Variants in TNNI3K observed in about 807,000 individuals in gnomAD.
TNNI3K encodes the protein TNNI3 interacting kinase, also known as serine/threonine-protein kinase TNNI3K.
In TNNI3K, 140 loss-of-function variants were observed where a neutral mutation model predicts 114.5. The ratio of observed to expected loss-of-function variants is 1.22; its 90% confidence interval spans 1.07 to 1.41. The LOEUF is 1.41. Ranked by LOEUF, TNNI3K falls within the 40% of genes most tolerant of loss-of-function variation. TNNI3K has a pLI of 0.00. For synonymous variants in TNNI3K, 347 were observed against 347.5 expected (o/e 1.00, Z 0.02); for missense variants, 1,125 against 1,007.6 (o/e 1.12, Z -1.58).
At chr1:74,329,262 G>A (rs1660074613) in intron 5 of TNNI3K, among the ~76,000 whole-genome samples, 1 of 152,154 alleles carries the variant, frequency 6.6e-6, no homozygotes. Flanking sequence ...GCATGAAACA[G>A]AGTAGACTTT....
intron 5 of TNNI3K, among the ~76,000 whole-genome samples, chr1:74,295,312 A>T (rs1345534266): frequency 6.6e-6 from 1 of 152,174 alleles, no homozygotes; most frequent in Non-Finnish European, 1.5e-5. Context: ...TGTTCTCTGC[A>T]TACATGAAAA....
At chr1:74,280,950 C>T (rs1465937965) in intron 5 of TNNI3K, among the ~76,000 whole-genome samples, 1 of 152,020 alleles carries the variant, frequency 6.6e-6, no homozygotes, top group African/African-American at 2.4e-5. Flanking sequence ...GTATAGAGGA[C>T]TTTGTCTTGC....
chr1:74,537,698 T>C (rs1646676487), intron 23 of TNNI3K, among the ~76,000 whole-genome samples: 2 of 152,184 alleles, frequency 1.3e-5, no homozygotes, highest in South Asian at 4.1e-4. Context: ...TTCACTAGCA[T>C]ACAAATACAG....
chr1:74,325,294 A>T (rs1334898788), intron 5 of TNNI3K, among the ~76,000 whole-genome samples: 1 of 152,112 alleles, frequency 6.6e-6, no homozygotes, highest in East Asian at 1.9e-4. Context: ...AGCTGCTCTT[A>T]CACTGCATAC....
chr1:74,511,210 G>A (rs1460342425), intron 23 of TNNI3K, among the ~76,000 whole-genome samples: 2 of 135,108 alleles, frequency 1.5e-5, no homozygotes, highest in Non-Finnish European at 3.1e-5. Flanking sequence ...TTTTTTTTCC[G>A]AGATGGAATT....
intron 17 of TNNI3K, among the ~76,000 whole-genome samples, 179 bp from the exon 18 acceptor site, chr1:74,435,901 T>C (rs1666100311): frequency 1.3e-5 from 2 of 152,024 alleles, no homozygotes; most frequent in African/African-American, 4.8e-5. Flanking sequence ...ATGATTACAT[T>C]TTATAAATAG....
intron 23 of TNNI3K, among the ~76,000 whole-genome samples, chr1:74,508,150 C>G (rs1197353797): frequency 6.6e-6 from 1 of 152,104 alleles, no homozygotes; most frequent in African/African-American, 2.4e-5. Flanking sequence ...GGTGGCCTTG[C>G]CAAAGAGATG....
intron 5 of TNNI3K, among the ~76,000 whole-genome samples, chr1:74,315,897 A>C (rs1221961940): frequency 6.6e-6 from 1 of 152,206 alleles, no homozygotes; most frequent in Non-Finnish European, 1.5e-5. Context: ...AAATCAAGTT[A>C]ATCAACACTT....
At chr1:74,379,712 G>A (rs535167684) in intron 17 of TNNI3K, among the ~76,000 whole-genome samples, 14 of 152,012 alleles carry the variant, frequency 9.2e-5, no homozygotes, top group East Asian at 5.8e-4. Context: ...CTGCCTCCTC[G>A]ACTAATGCTC....
chr1:74,412,975 G>A (rs1664957153), intron 17 of TNNI3K, among the ~76,000 whole-genome samples: 1 of 152,236 alleles, frequency 6.6e-6, no homozygotes, highest in South Asian at 2.1e-4. Context: ...CTCTTGTTCA[G>A]GTAAGAAAAT....
chr1:74,423,816 T>C (rs926050980), intron 17 of TNNI3K, among the ~76,000 whole-genome samples: 3 of 152,128 alleles, frequency 2.0e-5, no homozygotes, highest in Admixed American at 6.6e-5. Context: ...AATTGCATAA[T>C]AATTATATAT....
At chr1:74,269,444 T>C (rs1315025620) in intron 4 of TNNI3K, among the ~76,000 whole-genome samples, 14 of 151,794 alleles carry the variant, frequency 9.2e-5, no homozygotes, top group Non-Finnish European at 1.8e-4. Flanking sequence ...TAATCAAAAC[T>C]GGGTGTAGGA....
At position 74,475,387 on chromosome 1, in the gene TNNI3K, G is replaced by A. The variant is rs45516996; in HGVS notation, c.2121+11837G>A. ...CTTTTGAACTTTCCTTGGATTATAT[G>A]TTGTAAGTAAGCCTGCTTCATTAAA... On this transcript the variant is annotated intron_variant, in intron 21 of 24. Coordinates refer to ENST00000326637, the MANE Select transcript of TNNI3K (RefSeq NM_015978.3). 6 of 716,914 alleles carry A rather than the reference G, an allele frequency of 8.4e-6. No individual in the cohort carries two copies. The African/African-American group carries it at 1.0e-4, about 13-fold the overall frequency. 44.4% of individuals were successfully genotyped at this position (716,914 alleles called of 1,614,324 possible).
intron 17 of TNNI3K, among the ~76,000 whole-genome samples, chr1:74,385,436 T>C (rs1181492880): frequency 6.6e-6 from 1 of 152,150 alleles, no homozygotes; most frequent in African/African-American, 2.4e-5. Flanking sequence ...TACAAAAATG[T>C]GAAAATCTTA....
At chr1:74,263,628 A>G (rs1655802469) in intron 4 of TNNI3K, among the ~76,000 whole-genome samples, 1 of 151,898 alleles carries the variant, frequency 6.6e-6, no homozygotes, top group Non-Finnish European at 1.5e-5. Context: ...TGGGGAGAAG[A>G]GGATATAAAA....
intron 21 of TNNI3K, chr1:74,464,838 TTTTG>T (rs2100724865): frequency 7.0e-7 from 1 of 1,432,178 alleles, no homozygotes; most frequent in African/African-American, 1.4e-5. Flanking sequence ...AAGCGGTCCT[TTTTG>T]TTTATTTTGT....
chr1:74,253,287 C>T (rs11590342), intron 4 of TNNI3K, among the ~76,000 whole-genome samples: 89,986 of 152,120 alleles, frequency 0.59, 30,306 homozygotes, highest in East Asian at 0.82. Context: ...CAGTGGATCC[C>T]GCACAGGGGC....
intron 11 of TNNI3K, among the ~76,000 whole-genome samples, chr1:74,362,761 A>G (rs1662037535): frequency 6.6e-6 from 1 of 152,124 alleles, no homozygotes; most frequent in Non-Finnish European, 1.5e-5. Context: ...TAACAGGGGG[A>G]GAAATCACAC....
chr1:74,436,552 A>C lies in TNNI3K; in HGVS notation c.1878+26A>C, dbSNP rs200308200. 10 of 1,577,892 alleles carry C rather than the reference A, an allele frequency of 6.3e-6. No individual in the cohort carries two copies. The Admixed American group carries it at 2.0e-4, about 32-fold the overall frequency. On this transcript the variant is annotated intron_variant, in intron 19 of 24. Coordinates refer to ENST00000326637, the MANE Select transcript of TNNI3K (RefSeq NM_015978.3). ...GTTTGCTGCTGCTTGTGTTTCCTAT[A>C]ATTATAAACCAATTAAAATATGTAA...
Sources: allele counts gnomAD v4.1 joint callset (sites outside exome capture counted in the v4.1 genomes callset), GRCh38; gene constraint gnomAD v4.1.1; transcripts MANE v1.5; gene names NCBI Gene and HGNC (gene_info 2026-07-23, HGNC 2026-07-21).